The following NEGR1 variants were observed in gnomAD, a reference collection of about 807,000 sequenced individuals.
NEGR1 encodes neuronal growth regulator 1, also known as IgLON family member 4.
A neutral mutation model predicts 40.9 loss-of-function variants in NEGR1; 10 were observed. That is an observed-to-expected ratio of 0.24 (90% CI 0.15 to 0.42). The LOEUF (loss-of-function observed/expected upper bound fraction) is 0.42, where lower values mean the gene tolerates loss of function less well. Ranked by LOEUF, NEGR1 falls within the 10% of genes least tolerant of loss-of-function variation. The pLI is 1.00. For synonymous variants in NEGR1, 185 were observed against 166.8 expected (o/e 1.11, Z -0.84); for missense variants, 352 against 438.9 (o/e 0.80, Z 1.77).
intron 4 of NEGR1, among the ~76,000 whole-genome samples, chr1:71,694,246 CGTGTGT>C (rs143959665): frequency 2.0e-5 from 3 of 149,200 alleles, no homozygotes; most frequent in Non-Finnish European, 4.5e-5. Flanking sequence ...TTTTTTTTCT[CGTGTGT>C]GTGTGTGTGT....
intron 4 of NEGR1, among the ~76,000 whole-genome samples, chr1:71,668,979 G>T (rs1428052061): frequency 6.6e-6 from 1 of 151,994 alleles, no homozygotes; most frequent in East Asian, 1.9e-4. Flanking sequence ...GCTGAGAGAG[G>T]TTTGTGAAAG....
At chr1:72,035,400 T>C (rs1024717216) in intron 1 of NEGR1, among the ~76,000 whole-genome samples, 14 of 152,160 alleles carry the variant, frequency 9.2e-5, no homozygotes, top group Non-Finnish European at 2.1e-4. Flanking sequence ...TGGGATTACA[T>C]CCTCCATTAT....
chr1:71,989,645 T>C (rs1372210859), intron 1 of NEGR1, among the ~76,000 whole-genome samples: 1 of 152,214 alleles, frequency 6.6e-6, no homozygotes, highest in Non-Finnish European at 1.5e-5. Context: ...ATAAAGCATA[T>C]GTGTGACCAT....
intron 2 of NEGR1, among the ~76,000 whole-genome samples, chr1:71,835,913 C>T (rs1210923479): frequency 6.6e-6 from 1 of 151,960 alleles, no homozygotes; most frequent in Non-Finnish European, 1.5e-5. Context: ...TATGCCTAGT[C>T]TATAGTATGT....
At chr1:72,251,298 CA>C (rs1271705467) in intron 1 of NEGR1, among the ~76,000 whole-genome samples, 2 of 152,076 alleles carry the variant, frequency 1.3e-5, no homozygotes, top group Non-Finnish European at 2.9e-5. Flanking sequence ...CTACTTTAAA[CA>C]AAATATGCTT....
intron 4 of NEGR1, among the ~76,000 whole-genome samples, chr1:71,688,462 CTTT>C (rs748027559): frequency 1.1e-4 from 1 of 8,884 alleles, no homozygotes; most frequent in Non-Finnish European, 8.7e-4. Context: ...ATGTATATAT[CTTT>C]TTTTTTTTTT....
intron 1 of NEGR1, among the ~76,000 whole-genome samples, chr1:72,233,929 C>A (rs1213414550): frequency 6.6e-6 from 1 of 151,966 alleles, no homozygotes; most frequent in African/African-American, 2.4e-5. Context: ...TAAGCTTTCC[C>A]TTTTCTCTGT....
chr1:71,856,742 C>G lies in NEGR1; in HGVS notation c.409+78337G>C, dbSNP rs550412793. Among the ~76,000 whole-genome samples the G allele has an allele frequency of 2.0e-5, 3 of 152,084 alleles. No individual in the cohort carries two copies. The South Asian group carries it at 6.2e-4, about 32-fold the overall frequency. Reference sequence around the variant, plus strand: ...TTGCATAAAAATACTCTACAAAACCCCAAGTTCGAGCTCAAATTTCAGCTG... The same window carrying G: ...TTGCATAAAAATACTCTACAAAACCGCAAGTTCGAGCTCAAATTTCAGCTG... On this transcript the variant is annotated intron_variant, in intron 2 of 6. Coordinates refer to ENST00000357731, the MANE Select transcript of NEGR1 (RefSeq NM_173808.3).
rs1646268455 is a variant in NEGR1, at chr1:71,404,898, T to C, written c.*2548A>G. On this transcript the variant is annotated 3_prime_UTR_variant, in exon 7 of 7. Coordinates refer to ENST00000357731, the MANE Select transcript of NEGR1 (RefSeq NM_173808.3). ...TGTCCATAAATGTAAAATCATCTAC[T>C]TGAACATTATATGCAATACATTCAC... 6.6e-6 allele frequency: 1 copy of C among 152,206 alleles called. No homozygotes were observed. The highest frequency in any genetic ancestry group is 2.4e-5 in the African/African-American group (1 of 41,412). The allele number at this position is 152,206 out of a possible 1,614,324, so 9.4% of individuals were successfully genotyped here.
chr1:72,003,729 A>G (rs1646578493), intron 1 of NEGR1, among the ~76,000 whole-genome samples: 1 of 152,134 alleles, frequency 6.6e-6, no homozygotes, highest in African/African-American at 2.4e-5. Flanking sequence ...TAGAAAAAGC[A>G]CTTTGATAGG....
chr1:72,012,665 T>C (rs954359041), intron 1 of NEGR1, among the ~76,000 whole-genome samples: 3 of 152,010 alleles, frequency 2.0e-5, no homozygotes, highest in Non-Finnish European at 4.4e-5. Flanking sequence ...CCCTCTTTTT[T>C]TTCTTCAAAG....
intron 1 of NEGR1, chr1:72,274,451 C>G: frequency 1.8e-6 from 1 of 557,246 alleles, no homozygotes; most frequent in Non-Finnish European, 3.3e-6. Flanking sequence ...CTGTATGGAT[C>G]CAGCTCTTGA....
intron 6 of NEGR1, among the ~76,000 whole-genome samples, chr1:71,581,517 A>C (rs1029776234): frequency 3.3e-5 from 5 of 152,264 alleles, no homozygotes; most frequent in Admixed American, 2.6e-4. Context: ...CATAGGTAGA[A>C]TACAGCTCCA....
intron 1 of NEGR1, among the ~76,000 whole-genome samples, chr1:72,174,037 C>G (rs1652069113): frequency 6.6e-6 from 1 of 152,050 alleles, no homozygotes; most frequent in Admixed American, 6.6e-5. Flanking sequence ...CTCATTTTCT[C>G]ATTTTGTTTC....
chr1:72,113,501 T>C (rs1253280536), intron 1 of NEGR1, among the ~76,000 whole-genome samples: 1 of 151,430 alleles, frequency 6.6e-6, no homozygotes, highest in Non-Finnish European at 1.5e-5. Context: ...CTTAGAAATA[T>C]ATATGTTTAG....
At chr1:71,479,615 T>C (rs1278600482) in intron 6 of NEGR1, among the ~76,000 whole-genome samples, 1 of 152,000 alleles carries the variant, frequency 6.6e-6, no homozygotes, top group Non-Finnish European at 1.5e-5. Context: ...AATATACGCT[T>C]AAGGGAGAAA....
At position 72,112,744 on chromosome 1, in the gene NEGR1, T is replaced by C. The variant is rs182223249; in HGVS notation, c.176+169575A>G. Among the ~76,000 whole-genome samples, 251 of 151,624 alleles carry C rather than the reference T, an allele frequency of 1.7e-3. 3 individuals carry two copies. The highest frequency in any genetic ancestry group is 3.4e-3 in the Middle Eastern group (1 of 292). On this transcript the variant is annotated intron_variant, in intron 1 of 6. Transcript: ENST00000357731. ...AGGTTACCAGTAGGCTTCAACAATGTTTCTATTAAAAATCATCATCCTTTC... is the reference window on the plus strand; with the variant it reads ...AGGTTACCAGTAGGCTTCAACAATGCTTCTATTAAAAATCATCATCCTTTC...
chr1:72,215,012 C>T (rs1235186928), intron 1 of NEGR1, among the ~76,000 whole-genome samples: 1 of 152,040 alleles, frequency 6.6e-6, no homozygotes, highest in Admixed American at 6.6e-5. Context: ...CGTACCAAAA[C>T]AGATACAGAG....
chr1:71,878,902 C>A (rs780153167), intron 2 of NEGR1, among the ~76,000 whole-genome samples: 2 of 152,070 alleles, frequency 1.3e-5, no homozygotes, highest in Non-Finnish European at 2.9e-5. Flanking sequence ...AGATGTAGAT[C>A]ACAAAGCTGA....
Sources: allele counts gnomAD v4.1 joint callset (sites outside exome capture counted in the v4.1 genomes callset), GRCh38; gene constraint gnomAD v4.1.1; transcripts MANE v1.5; gene names NCBI Gene and HGNC (gene_info 2026-07-23, HGNC 2026-07-21).